The following GCC2 variants were observed in gnomAD, a reference collection of about 807,000 sequenced individuals.
The protein encoded by GCC2 is GRIP and coiled-coil domain containing 2, also known as GRIP and coiled-coil domain-containing protein 2.
Under a neutral mutation model 210.6 loss-of-function variants are expected in GCC2, and 120 were observed. The observed-to-expected ratio is 0.57, with a 90% CI of 0.49 to 0.66. GCC2 has a LOEUF of 0.66. Ranked by LOEUF, GCC2 falls within the 30% of genes least tolerant of loss-of-function variation. The pLI is 0.00. For synonymous variants in GCC2, 703 were observed against 652.7 expected, an observed-to-expected ratio of 1.08 and a Z score of -1.17; for missense variants, 1,868 against 1,871.9, an observed-to-expected ratio of 1.00 and a Z score of 0.04.
In GCC2 at chr2:108,470,904, T is replaced by A; in HGVS notation, c.1575T>A (p.Thr525=). The change falls in exon 6 of 23, where the codon ACT becomes ACA. Residue 525 remains threonine (T), a synonymous_variant. Transcript: ENST00000309863. ...ATGAACTGCAGCAGAAGCTCAGAAC[T>A]GCTTTTACTGAAAAAGATGCCCTTC... ...DVHELQQKLR[T]AFTEKDALLE... is the part of the protein sequence containing the mutation. 1.2e-6 allele frequency: 2 copies of A among 1,613,622 alleles called. No homozygotes were observed. The highest frequency in any genetic ancestry group is 1.7e-6 in the Non-Finnish European group (2 of 1,179,740).
At position 108,485,574 on chromosome 2, in the gene GCC2, T is replaced by C. The variant is rs151031367; in HGVS notation, c.3614-62T>C. The C allele has an allele frequency of 6.1e-3, 5,047 of 831,372 alleles. 39 individuals are homozygous for C. Among genetic ancestry groups the C allele is most frequent in the East Asian group, 0.019 (776 of 40,034 alleles). 51.5% of individuals were successfully genotyped at this position (831,372 alleles called of 1,614,324 possible). A position where few individuals can be genotyped will look rare whatever the true frequency, so the allele number is the denominator to read the frequency against. ...CCAATACAAAGAAGACATATTTGTG[T>C]ATTTAAATTCACTGATAAAAATTGT... On this transcript the variant is annotated intron_variant, in intron 13 of 22. Coordinates refer to ENST00000309863, the MANE Select transcript of GCC2 (RefSeq NM_181453.4).
chr2:108,495,342 C>T lies in GCC2; in HGVS notation c.4499C>T (p.Thr1500Ile). 1.9e-6 allele frequency: 3 copies of T among 1,578,848 alleles called. No homozygotes were observed. Among genetic ancestry groups the T allele is most frequent in the Non-Finnish European group, 8.6e-7 (1 of 1,167,556 alleles). ...SLKNLRERRN[T>I]DLPLLDMHTV... ...AAGAACCTTCGAGAAAGGAGAAACA[C>T]AGACCTCCCGCTTCTAGACATGCAC... Residue 1500 changes from threonine to isoleucine, a missense_variant, in exon 20 of 23, where the codon ACA (threonine) becomes ATA (isoleucine). By Grantham distance (89) the Thr-to-Ile change is moderately conservative (BLOSUM62 -1). Transcript: ENST00000309863.
At chr2:108,452,351 T>A (rs373484977) in intron 3 of GCC2, 48 bp from the exon 4 acceptor site, 20 of 956,252 alleles carry the variant, frequency 2.1e-5, no homozygotes, top group Middle Eastern at 2.3e-4. Context: ...TCCCAGTAAT[T>A]ATGTTCTTTA....
At chr2:108,450,457 A>G (rs1183672742) in intron 2 of GCC2, among the ~76,000 whole-genome samples, 1 of 152,264 alleles carries the variant, frequency 6.6e-6, no homozygotes, top group African/African-American at 2.4e-5. Context: ...AATTAAATCA[A>G]AAGCTAGCAA....
chr2:108,487,540 A>G (rs1682203962), intron 16 of GCC2, among the ~76,000 whole-genome samples, 159 bp from the exon 17 acceptor site: 1 of 152,230 alleles, frequency 6.6e-6, no homozygotes, highest in African/African-American at 2.4e-5. Flanking sequence ...AGCCAACAGA[A>G]GTATGCTTTT....
chr2:108,473,092 G>A (rs1681325815), intron 7 of GCC2, 193 bp downstream of exon 7: 4 of 468,638 alleles, frequency 8.5e-6, no homozygotes, highest in Non-Finnish European at 1.5e-5. Flanking sequence ...ACTTTCTATT[G>A]TTTAACCCAA....
rs1683269608 is a variant in GCC2 at position 108,507,661 on chromosome 2, A to G, written c.*31A>G. The stretch of plus-strand genomic sequence containing the variant: ...TGGAAGGAATATTTTTATTAACCAA[A>G]TAGAATCTATTTACAAAAATGGTTC... On this transcript the variant is annotated 3_prime_UTR_variant, in exon 23 of 23. Coordinates refer to ENST00000309863, the MANE Select transcript of GCC2 (RefSeq NM_181453.4). The G allele has an allele frequency of 7.1e-7, 1 of 1,416,712 alleles. No homozygotes were observed. The highest frequency in any genetic ancestry group is 1.4e-5 in the African/African-American group (1 of 69,968). The allele number at this position is 1,416,712 out of a possible 1,614,324, so 87.8% of individuals were successfully genotyped here. A position where few individuals can be genotyped will look rare whatever the true frequency, so the allele number is the denominator to read the frequency against.
At chr2:108,472,178 C>T in intron 6 of GCC2, 62 bp downstream of exon 6, 2 of 1,162,060 alleles carry the variant, frequency 1.7e-6, no homozygotes, top group South Asian at 2.1e-5. Context: ...ACAATATATA[C>T]GTTAAACATT....
At chr2:108,475,430 A>G (rs1681457431) in intron 7 of GCC2, 105 bp from the exon 8 acceptor site, 1 of 532,114 alleles carries the variant, frequency 1.9e-6, no homozygotes, top group East Asian at 3.2e-5. Context: ...TTTAATATCA[A>G]ATTACCAATT....
intron 4 of GCC2, among the ~76,000 whole-genome samples, chr2:108,466,345 T>C (rs1395712222): frequency 6.6e-6 from 1 of 152,068 alleles, no homozygotes; most frequent in Non-Finnish European, 1.5e-5. Flanking sequence ...CCGGCCAACA[T>C]CCATTTTCTT....
Position 108,455,441 on chromosome 2 carries a change from G to GA in GCC2, c.216+2987dup, listed in dbSNP as rs952169774. Among the ~76,000 whole-genome samples the GA allele has an allele frequency of 5.7e-3, 812 of 142,878 alleles. 6 individuals carry two copies. Among genetic ancestry groups the GA allele is most frequent in the Middle Eastern group, 0.023 (6 of 266 alleles). 93.7% of individuals were successfully genotyped at this position (142,878 alleles called of 152,430 possible). A position where few individuals can be genotyped will look rare whatever the true frequency, so the allele number is the denominator to read the frequency against. Reference sequence around the variant, plus strand: ...GCAACAGAGTGAGACTCCGTCTCAAGAAAAAAAAAAAATTCTCCAAGTTAG... The same window carrying GA: ...GCAACAGAGTGAGACTCCGTCTCAAGAAAAAAAAAAAAATTCTCCAAGTTAG... On this transcript the variant is annotated intron_variant, in intron 4 of 22. Coordinates refer to ENST00000309863, the MANE Select transcript of GCC2 (RefSeq NM_181453.4).
Position 108,469,963 on chromosome 2 carries a change from A to C in GCC2, c.634A>C (p.Lys212Gln). Residue 212 changes from lysine to glutamine, a missense_variant, in exon 6 of 23, where the codon AAG becomes CAG. Lys to Gln is a moderately conservative substitution (Grantham distance 53, BLOSUM62 1). Around this residue, in one of 3 missense-constraint regions of GCC2, gnomAD observed 1,847 missense variants for 1,765.2 expected, o/e 1.05. Coordinates refer to ENST00000309863, the MANE Select transcript of GCC2 (RefSeq NM_181453.4). ...QKQLDATTDE[K>Q]KETVTQLQNI... ...GCAATTAGACGCTACCACTGATGAA[A>C]AGAAGGAAACAGTTACTCAACTCCA... 2 of 1,613,534 alleles carry C rather than the reference A, an allele frequency of 1.2e-6. No homozygotes were observed. The highest frequency in any genetic ancestry group is 2.7e-5 in the African/African-American group (2 of 75,048).
At chr2:108,465,221 G>C (rs1375939717) in intron 4 of GCC2, among the ~76,000 whole-genome samples, 1 of 152,158 alleles carries the variant, frequency 6.6e-6, no homozygotes, top group East Asian at 1.9e-4. Flanking sequence ...TTCTCTCTTG[G>C]ATGATCTGTA....
intron 9 of GCC2, 65 bp downstream of exon 9, chr2:108,475,915 T>A: frequency 1.2e-6 from 1 of 824,078 alleles, no homozygotes; most frequent in Non-Finnish European, 1.9e-6. Context: ...AGTTAAGAAA[T>A]GTAGTGGAAA....
At position 108,469,938 on chromosome 2, in the gene GCC2, G is replaced by A. The variant is rs1265610795; in HGVS notation, c.609G>A (p.Lys203=). 1 of 1,613,546 alleles carries A rather than the reference G, an allele frequency of 6.2e-7. No individual in the cohort carries two copies. The highest frequency in any genetic ancestry group is 1.7e-5 in the Admixed American group (1 of 60,024). ...GFEEQILYLQ[K]QLDATTDEKK... ...AGGAGCAAATTTTATATCTGCAAAA[G>A]CAATTAGACGCTACCACTGATGAAA... The change falls in exon 6 of 23, where the codon AAG becomes AAA. Residue 203 remains lysine (K), a synonymous_variant. Transcript: ENST00000309863.
intron 4 of GCC2, chr2:108,462,728 A>C (rs1680669009): frequency 6.6e-6 from 1 of 151,190 alleles, no homozygotes. Context: ...ACGCCCAGCT[A>C]ATTTCTGTAA....
intron 5 of GCC2, 94 bp downstream of exon 5, chr2:108,469,178 TTAA>T (rs1330581654): frequency 1.6e-6 from 1 of 625,204 alleles, no homozygotes; most frequent in African/African-American, 1.9e-5. Flanking sequence ...TCTAATCTGA[TTAA>T]TATTTTATAA....
intron 22 of GCC2, among the ~76,000 whole-genome samples, chr2:108,504,243 T>A (rs1171492214): frequency 6.6e-6 from 1 of 152,206 alleles, no homozygotes; most frequent in Non-Finnish European, 1.5e-5. Context: ...AATACCTGAC[T>A]GTATCATCAG....
At chr2:108,492,820 G>A (rs764192633) in intron 19 of GCC2, 30 bp downstream of exon 19, 5 of 1,465,606 alleles carry the variant, frequency 3.4e-6, no homozygotes, top group Admixed American at 3.4e-5. Context: ...AATATTAGTT[G>A]TTCATGTTTT....
Sources: gnomAD v4.1 joint callset for allele counts (sites outside exome capture counted in the v4.1 genomes callset) on GRCh38, gnomAD v4.1.1 for gene constraint, gnomAD v4.1.1 regional missense constraint, MANE v1.5 for transcripts, NCBI Gene and HGNC (gene_info 2026-07-23, HGNC 2026-07-21) for gene names.